The following DMD variants were observed in gnomAD, a reference collection of about 807,000 sequenced individuals.
DMD encodes mutant dystrophin.
In DMD, 63 loss-of-function variants were observed where a neutral mutation model predicts 330.1. The observed-to-expected ratio is 0.19, with a 90% CI of 0.16 to 0.24. DMD has a LOEUF of 0.24. Among genes scored for constraint, DMD ranks in the 10% least tolerant of loss-of-function variants. The pLI, the probability that DMD is intolerant of heterozygous loss-of-function variation, is 1.00. For missense variants in DMD, 3,344 were observed against 2,684.1 expected (o/e 1.25, Z -5.43); for synonymous variants, 1,223 against 959.8 (o/e 1.27, Z -5.07).
At chrX:33,148,633 G>A (rs1197197790) in intron 1 of DMD, among the ~76,000 whole-genome samples, 1 of 111,579 alleles carries the variant, frequency 9.0e-6, no homozygotes, top group Non-Finnish European at 1.9e-5. Context: ...GATTTTAAAG[G>A]TCATTGGACA....
intron 62 of DMD, among the ~76,000 whole-genome samples, chrX:31,305,094 A>G (rs888117487): frequency 2.7e-5 from 3 of 111,926 alleles, no homozygotes; most frequent in African/African-American, 9.7e-5. Context: ...CCACCCTTTA[A>G]GACATCTCTT....
At chrX:31,261,322 T>C in intron 62 of DMD, 1 of 276,058 alleles carries the variant, frequency 3.6e-6, no homozygotes, top group Non-Finnish European at 6.6e-6. Context: ...ATGTGATCAA[T>C]AATCGACTAT....
chrX:31,259,544 A>C (rs2050303467), intron 63 of DMD, among the ~76,000 whole-genome samples: 1 of 111,992 alleles, frequency 8.9e-6, no homozygotes, highest in South Asian at 3.7e-4. Flanking sequence ...TTTTATTTAA[A>C]ATTTTAAACG....
chrX:32,816,792 C>T, intron 5 of DMD, 152 bp from the exon 6 acceptor site: 1 of 536,854 alleles, frequency 1.9e-6, no homozygotes, highest in Admixed American at 3.0e-5. Flanking sequence ...GAAGTTAAGT[C>T]TATTCTCAAA....
intron 1 of DMD, among the ~76,000 whole-genome samples, chrX:33,266,272 AAG>A (rs1254774113): frequency 8.9e-6 from 1 of 112,105 alleles, no homozygotes; most frequent in Admixed American, 9.5e-5. Flanking sequence ...AGAAAAAGTA[AAG>A]AGTCTTACAA....
intron 54 of DMD, among the ~76,000 whole-genome samples, chrX:31,653,833 T>C (rs2080608700): frequency 1.8e-5 from 2 of 111,726 alleles, no homozygotes; most frequent in Non-Finnish European, 1.9e-5. Context: ...ATGGACTCTG[T>C]AAGGACTACG....
At chrX:31,270,603 A>C (rs759715955) in intron 62 of DMD, among the ~76,000 whole-genome samples, 14 of 112,191 alleles carry the variant, frequency 1.2e-4, no homozygotes, top group Admixed American at 7.5e-4. Flanking sequence ...TTTGGAGAGA[A>C]TGTCAAGATA....
chrX:33,268,688 A>G (rs2053092311), intron 1 of DMD, among the ~76,000 whole-genome samples: 1 of 111,569 alleles, frequency 9.0e-6, no homozygotes, highest in African/African-American at 3.3e-5. Context: ...GCACTGTAGG[A>G]GGCTTAGGCA....
At chrX:32,227,294 T>C (rs1209106026) in intron 43 of DMD, among the ~76,000 whole-genome samples, 1 of 76,863 alleles carries the variant, frequency 1.3e-5, no homozygotes, top group Non-Finnish European at 2.3e-5. Context: ...TATATATATA[T>C]ATATATATAT....
intron 48 of DMD, among the ~76,000 whole-genome samples, chrX:31,864,575 C>T (rs1213564632): frequency 9.5e-6 from 1 of 105,208 alleles, no homozygotes; most frequent in South Asian, 4.4e-4. Flanking sequence ...CTGCAACCTC[C>T]GCCTCCTGGG....
At chrX:31,823,502 A>G (rs2092820874) in intron 49 of DMD, among the ~76,000 whole-genome samples, 1 of 111,987 alleles carries the variant, frequency 8.9e-6, no homozygotes. Context: ...AATGTGAACT[A>G]CATACCATGG....
chrX:31,948,740 G>T (rs2095121385), intron 45 of DMD, among the ~76,000 whole-genome samples: 2 of 111,116 alleles, frequency 1.8e-5, no homozygotes, highest in Admixed American at 1.9e-4. Flanking sequence ...CCTTTTTCCT[G>T]TTGAGTTGTA....
chrX:31,171,657 T>A (rs1224016194), intron 73 of DMD, among the ~76,000 whole-genome samples: 1 of 111,468 alleles, frequency 9.0e-6, no homozygotes, highest in African/African-American at 3.3e-5. Context: ...TTGTGCTCTG[T>A]ATTGTGAACA....
intron 59 of DMD, among the ~76,000 whole-genome samples, chrX:31,449,739 T>C (rs1247630343): frequency 1.1e-5 from 1 of 93,873 alleles, no homozygotes; most frequent in Non-Finnish European, 2.1e-5. Flanking sequence ...ATTTGCCACT[T>C]ATGAGTTTAT....
At chrX:31,890,346 C>CA (rs1487412223) in intron 47 of DMD, among the ~76,000 whole-genome samples, 245 of 48,778 alleles carry the variant, frequency 5.0e-3, no homozygotes, top group Middle Eastern at 0.012. Flanking sequence ...ATTGTTGTTT[C>CA]AAAAAAAACA....
intron 60 of DMD, among the ~76,000 whole-genome samples, chrX:31,369,513 A>G (rs757625733): frequency 1.2e-4 from 13 of 112,301 alleles, no homozygotes; most frequent in African/African-American, 3.6e-4. Flanking sequence ...TAGATTCAGA[A>G]ATAATACCCT....
intron 50 of DMD, among the ~76,000 whole-genome samples, chrX:31,782,197 T>A (rs991788289): frequency 3.6e-5 from 4 of 111,504 alleles, no homozygotes; most frequent in African/African-American, 1.3e-4. Context: ...TCCTCTTGCA[T>A]CTACACTTTT....
chrX:31,650,215 C>T (rs1293078940), intron 54 of DMD, among the ~76,000 whole-genome samples: 4 of 95,700 alleles, frequency 4.2e-5, no homozygotes, highest in African/African-American at 1.6e-4. Context: ...CCCACCTCGG[C>T]CTCCCAAAGT....
At chrX:31,191,903 C>T (rs1436435715) in intron 67 of DMD, among the ~76,000 whole-genome samples, 2 of 112,292 alleles carry the variant, frequency 1.8e-5, no homozygotes, top group Non-Finnish European at 1.9e-5. Flanking sequence ...TTCTAGCCCT[C>T]GTTATAAAAA....
Sources: allele counts gnomAD v4.1 joint callset (sites outside exome capture counted in the v4.1 genomes callset), GRCh38; gene constraint gnomAD v4.1.1; transcripts MANE v1.5; gene names NCBI Gene and HGNC (gene_info 2026-07-23, HGNC 2026-07-21).